TNIK: variants seen among roughly 807,000 people sequenced by gnomAD.
TNIK encodes TRAF2 and NCK interacting kinase.
In TNIK, 49 loss-of-function variants were observed where a neutral mutation model predicts 191.3. The observed-to-expected ratio is 0.26, with a 90% confidence interval of 0.20 to 0.32. The LOEUF (loss-of-function observed/expected upper bound fraction) is 0.32, where lower values mean the gene tolerates loss of function less well. Ranked by LOEUF, TNIK falls within the 10% of genes least tolerant of loss-of-function variation. TNIK has a pLI of 1.00. For missense variants in TNIK, 1,155 were observed against 1,702.3 expected (o/e 0.68, Z 5.66); for synonymous variants, 594 against 600.9 (o/e 0.99, Z 0.17).
chr3:171,384,906 T>C (rs986312047), intron 1 of TNIK, among the ~76,000 whole-genome samples: 4 of 152,224 alleles, frequency 2.6e-5, no homozygotes, highest in East Asian at 1.9e-4. Flanking sequence ...GAAATAAGAA[T>C]AAAGGCAGCC....
intron 9 of TNIK, among the ~76,000 whole-genome samples, chr3:171,174,271 A>C (rs1041820990): frequency 1.3e-5 from 2 of 152,112 alleles, no homozygotes; most frequent in African/African-American, 4.8e-5. Context: ...GGTGGGAAAC[A>C]TGAGGACCCC....
chr3:171,296,358 C>A (rs905053969), intron 2 of TNIK, among the ~76,000 whole-genome samples: 4 of 152,166 alleles, frequency 2.6e-5, no homozygotes, highest in Non-Finnish European at 5.9e-5. Context: ...AAATCCTGAA[C>A]CTACCCTTCC....
intron 12 of TNIK, among the ~76,000 whole-genome samples, chr3:171,148,670 T>C (rs895649477): frequency 1.3e-5 from 2 of 152,196 alleles, no homozygotes; most frequent in African/African-American, 4.8e-5. Flanking sequence ...CTAAAGATGC[T>C]AACTTATACG....
chr3:171,297,347 C>T (rs1453384690), intron 2 of TNIK, among the ~76,000 whole-genome samples: 4 of 152,008 alleles, frequency 2.6e-5, no homozygotes, highest in African/African-American at 9.7e-5. Flanking sequence ...TCTTTTGCAC[C>T]CCCACCCCAA....
intron 2 of TNIK, among the ~76,000 whole-genome samples, chr3:171,238,995 T>C (rs562655353): frequency 2.6e-4 from 39 of 152,220 alleles, no homozygotes; most frequent in Non-Finnish European, 4.9e-4. Flanking sequence ...AAGCAGCATA[T>C]TCTAAATTTT....
At chr3:171,144,053 A>G (rs897790805) in intron 12 of TNIK, among the ~76,000 whole-genome samples, 1 of 152,248 alleles carries the variant, frequency 6.6e-6, no homozygotes, top group Non-Finnish European at 1.5e-5. Context: ...CAAATTATAC[A>G]TAATGAAGAT....
intron 2 of TNIK, among the ~76,000 whole-genome samples, chr3:171,325,434 G>A (rs1465991100): frequency 6.6e-6 from 1 of 151,968 alleles, no homozygotes; most frequent in Non-Finnish European, 1.5e-5. Context: ...TAAAACTTCA[G>A]GAAACACAAT....
intron 2 of TNIK, among the ~76,000 whole-genome samples, chr3:171,307,477 C>A (rs1249687893): frequency 6.6e-6 from 1 of 152,180 alleles, no homozygotes; most frequent in African/African-American, 2.4e-5. Flanking sequence ...ACTCAGAAGT[C>A]TAACCTAATC....
intron 27 of TNIK, among the ~76,000 whole-genome samples, chr3:171,080,199 T>C (rs12486507): frequency 6.6e-6 from 1 of 152,230 alleles, no homozygotes; most frequent in Non-Finnish European, 1.5e-5. Context: ...AAAACTTAAA[T>C]TTCCGTTTGG....
chr3:171,304,623 A>G (rs1308581992), intron 2 of TNIK, among the ~76,000 whole-genome samples: 2 of 152,328 alleles, frequency 1.3e-5, no homozygotes, highest in Admixed American at 1.3e-4. Flanking sequence ...ATGTCCAACC[A>G]TGATAGACTG....
At chr3:171,339,301 T>C (rs1237455328) in intron 2 of TNIK, among the ~76,000 whole-genome samples, 3 of 152,212 alleles carry the variant, frequency 2.0e-5, no homozygotes, top group Non-Finnish European at 2.9e-5. Flanking sequence ...TAAGTCATCC[T>C]TGCCATGAGT....
intron 1 of TNIK, among the ~76,000 whole-genome samples, chr3:171,394,977 A>G (rs1720036210): frequency 6.6e-6 from 1 of 152,206 alleles, no homozygotes; most frequent in South Asian, 2.1e-4. Context: ...GAGAGCACAT[A>G]TTTGGTTTAA....
In TNIK at chr3:171,454,180, G is replaced by T. The variant is rs184713987; in HGVS notation, c.57+5827C>A. On this transcript the variant is annotated intron_variant, in intron 1 of 32. Coordinates refer to ENST00000436636, the MANE Select transcript of TNIK (RefSeq NM_015028.4). ...GTTACTCCAGATTCTATCAGGAAGG[G>T]AATCAGAGACTGGTTGTGCTCAGCT... Among the ~76,000 whole-genome samples, 475 of 152,288 alleles carry T rather than the reference G, an allele frequency of 3.1e-3. 2 individuals carry two copies. The highest frequency in any genetic ancestry group is 5.0e-3 in the Non-Finnish European group (342 of 68,034).
intron 4 of TNIK, among the ~76,000 whole-genome samples, chr3:171,203,417 AG>A (rs1739658311): frequency 6.6e-6 from 1 of 152,224 alleles, no homozygotes; most frequent in Non-Finnish European, 1.5e-5. Flanking sequence ...GGAAGACAAC[AG>A]GGGATGTTGG....
Position 171,347,032 on chromosome 3 carries a change from T to A in TNIK, c.123+22588A>T. 5 of 1,104,952 alleles carry A rather than the reference T, an allele frequency of 4.5e-6. No homozygotes were observed. In the South Asian group the frequency reaches 8.4e-5, roughly 18 times the overall value. The allele number at this position is 1,104,952 out of a possible 1,614,324, so 68.4% of individuals were successfully genotyped here. A position where few individuals can be genotyped will look rare whatever the true frequency, so the allele number is the denominator to read the frequency against. ...AGGGACAGTCCTGCAGGCGTTCATA[T>A]GAGAGATGTGCAATGCCTGTGCTAG... On this transcript the variant is annotated intron_variant, in intron 2 of 32. Coordinates refer to ENST00000436636, the MANE Select transcript of TNIK (RefSeq NM_015028.4).
chr3:171,447,842 G>A (rs1333461455), intron 1 of TNIK, among the ~76,000 whole-genome samples: 1 of 152,160 alleles, frequency 6.6e-6, no homozygotes, highest in East Asian at 1.9e-4. Context: ...ATAACCTCAA[G>A]CTTCATCAAC....
At chr3:171,375,161 C>A (rs929712977) in intron 1 of TNIK, among the ~76,000 whole-genome samples, 2 of 152,172 alleles carry the variant, frequency 1.3e-5, no homozygotes, top group African/African-American at 4.8e-5. Flanking sequence ...TTGGGAGATA[C>A]AATGAGAACT....
chr3:171,174,426 A>G (rs970873084), intron 9 of TNIK, among the ~76,000 whole-genome samples: 2 of 152,228 alleles, frequency 1.3e-5, no homozygotes, highest in African/African-American at 2.4e-5. Flanking sequence ...GAGTAATCCG[A>G]GATTCAAGAA....
intron 2 of TNIK, among the ~76,000 whole-genome samples, chr3:171,346,093 C>T (rs942341021): frequency 6.6e-6 from 1 of 151,904 alleles, no homozygotes; most frequent in Non-Finnish European, 1.5e-5. Flanking sequence ...TGAGTAGAGA[C>T]CTGGAGAAAG....
Sources: gnomAD v4.1 joint callset for allele counts (sites outside exome capture counted in the v4.1 genomes callset) on GRCh38, gnomAD v4.1.1 for gene constraint, MANE v1.5 for transcripts, NCBI Gene and HGNC (gene_info 2026-07-23, HGNC 2026-07-21) for gene names.